Variants in ADGRL3 observed in about 807,000 individuals in gnomAD.
ADGRL3 encodes the protein adhesion G protein-coupled receptor L3, also known as calcium-independent alpha-latrotoxin receptor 3.
ADGRL3 carries 62 observed loss-of-function variants against 153.5 expected under a neutral mutation model. The observed-to-expected ratio is 0.40, with a 90% CI of 0.33 to 0.50. The LOEUF (loss-of-function observed/expected upper bound fraction) is 0.50. Among genes scored for constraint, ADGRL3 ranks in the 20% least tolerant of loss-of-function variants. The pLI, the probability that ADGRL3 is intolerant of heterozygous loss-of-function variation, is 0.47. For missense variants in ADGRL3, 1,641 were observed against 1,859.4 expected, an observed-to-expected ratio of 0.88 and a Z score of 2.16; for synonymous variants, 710 against 672.5, an observed-to-expected ratio of 1.06 and a Z score of -0.86.
At chr4:61,648,559 A>AT (rs1164712001) in intron 5 of ADGRL3, among the ~76,000 whole-genome samples, 3 of 149,052 alleles carry the variant, frequency 2.0e-5, no homozygotes, top group African/African-American at 7.4e-5. Context: ...TTTTTTTTAG[A>AT]TTTTAATAGT....
chr4:61,940,082 C>A (rs1430702643), intron 15 of ADGRL3, among the ~76,000 whole-genome samples: 2 of 110,650 alleles, frequency 1.8e-5, no homozygotes, highest in East Asian at 6.0e-4. Context: ...CCTCCCCCCT[C>A]CCCCGACCCC....
intron 4 of ADGRL3, among the ~76,000 whole-genome samples, chr4:61,538,526 G>A (rs368260617): frequency 7.9e-5 from 12 of 152,208 alleles, no homozygotes; most frequent in African/African-American, 1.9e-4. Flanking sequence ...CGCAACCTCC[G>A]CTTCCCAGCT....
At chr4:62,015,227 G>A (rs1185361738) in intron 21 of ADGRL3, among the ~76,000 whole-genome samples, 2 of 152,042 alleles carry the variant, frequency 1.3e-5, no homozygotes, top group African/African-American at 4.8e-5. Context: ...ATTCTAAAAA[G>A]GTCTGTCATC....
At chr4:61,600,013 T>C (rs2099004432) in intron 5 of ADGRL3, among the ~76,000 whole-genome samples, 1 of 152,092 alleles carries the variant, frequency 6.6e-6, no homozygotes, top group Admixed American at 6.5e-5. Context: ...AGTTTTCTAA[T>C]TAAAAGAGGA....
chr4:61,462,872 T>G (rs907821239), intron 2 of ADGRL3, among the ~76,000 whole-genome samples: 1 of 152,130 alleles, frequency 6.6e-6, no homozygotes, highest in African/African-American at 2.4e-5. Flanking sequence ...GCCCAATCCC[T>G]GCATCAAAGA....
At chr4:61,598,362 G>A (rs1248641887) in intron 5 of ADGRL3, among the ~76,000 whole-genome samples, 5 of 152,122 alleles carry the variant, frequency 3.3e-5, no homozygotes, top group Non-Finnish European at 7.4e-5. Context: ...TTACACATGA[G>A]TGAACGTGAA....
chr4:62,014,635 A>G (rs926868919), intron 21 of ADGRL3, among the ~76,000 whole-genome samples: 6 of 152,198 alleles, frequency 3.9e-5, no homozygotes, highest in Admixed American at 2.0e-4. Flanking sequence ...TGCTTTAGAT[A>G]CATACACATT....
chr4:61,221,269 G>C (rs1344108693), intron 1 of ADGRL3, among the ~76,000 whole-genome samples: 1 of 152,120 alleles, frequency 6.6e-6, no homozygotes, highest in African/African-American at 2.4e-5. Context: ...TAATAAAATA[G>C]TATAGTTTTC....
intron 1 of ADGRL3, among the ~76,000 whole-genome samples, chr4:61,214,426 C>A (rs751310986): frequency 1.3e-4 from 20 of 152,002 alleles, no homozygotes; most frequent in Non-Finnish European, 2.6e-4. Context: ...TCTTATGGAA[C>A]AAAAACAAAT....
chr4:61,737,667 C>A (rs139519417), intron 8 of ADGRL3, among the ~76,000 whole-genome samples: 32 of 152,240 alleles, frequency 2.1e-4, no homozygotes, highest in Admixed American at 3.3e-4. Context: ...TTTGCAGTAA[C>A]CCTACAAGGA....
chr4:61,214,861 T>G (rs888364268), intron 1 of ADGRL3, among the ~76,000 whole-genome samples: 2 of 151,978 alleles, frequency 1.3e-5, no homozygotes, highest in African/African-American at 4.8e-5. Context: ...TCCCTTGAGC[T>G]GGGGAGTTCC....
At chr4:61,656,598 T>C (rs1366308746) in intron 5 of ADGRL3, among the ~76,000 whole-genome samples, 1 of 152,180 alleles carries the variant, frequency 6.6e-6, no homozygotes, top group Non-Finnish European at 1.5e-5. Context: ...TTGAAAGGCA[T>C]GCAAAAGATT....
At chr4:61,975,063 T>C (rs1222484613) in intron 17 of ADGRL3, among the ~76,000 whole-genome samples, 2 of 152,202 alleles carry the variant, frequency 1.3e-5, no homozygotes, top group African/African-American at 2.4e-5. Context: ...GGAGGATTGG[T>C]AATCAGAAGA....
chr4:61,330,797 A>C (rs1200845013), intron 1 of ADGRL3, among the ~76,000 whole-genome samples: 1 of 151,968 alleles, frequency 6.6e-6, no homozygotes, highest in Non-Finnish European at 1.5e-5. Context: ...GTCCCCACCC[A>C]TGGTCTGCTG....
intron 2 of ADGRL3, among the ~76,000 whole-genome samples, chr4:61,432,573 C>CTTTCTTTCTTTCTTTCTTTCT (rs1560622534): frequency 1.1e-4 from 4 of 35,876 alleles, no homozygotes; most frequent in South Asian, 1.1e-3. Context: ...TCTTTCTCTT[C>CTTTCTTTCTTTCTTTCTTTCT]CTTTCTTTCT....
At chr4:61,705,624 A>T (rs1350581273) in intron 6 of ADGRL3, among the ~76,000 whole-genome samples, 2 of 151,800 alleles carry the variant, frequency 1.3e-5, no homozygotes, top group East Asian at 3.9e-4. Context: ...CAGCCTCCCA[A>T]GTAGCTGGGA....
At chr4:61,484,123 A>T (rs902441712) in intron 2 of ADGRL3, among the ~76,000 whole-genome samples, 3 of 151,786 alleles carry the variant, frequency 2.0e-5, no homozygotes, top group African/African-American at 4.8e-5. Context: ...TTTTCTCACA[A>T]CCTTTTGCTA....
intron 5 of ADGRL3, among the ~76,000 whole-genome samples, chr4:61,605,765 A>G (rs2149592762): frequency 6.6e-6 from 1 of 152,326 alleles, no homozygotes; most frequent in East Asian, 1.9e-4. Context: ...ATAGACCTTT[A>G]TGAAAAGCTT....
At chr4:61,541,352 T>TC (rs1351052150) in intron 4 of ADGRL3, among the ~76,000 whole-genome samples, 1 of 149,342 alleles carries the variant, frequency 6.7e-6, no homozygotes, top group Non-Finnish European at 1.5e-5. Context: ...AGAGATTTTT[T>TC]TTTTTTTTTT....
Sources: allele counts gnomAD v4.1 joint callset (sites outside exome capture counted in the v4.1 genomes callset), GRCh38; gene constraint gnomAD v4.1.1; transcripts MANE v1.5; gene names NCBI Gene and HGNC (gene_info 2026-07-23, HGNC 2026-07-21).